MAP4K1: variants seen among roughly 807,000 people sequenced by gnomAD.
The protein encoded by MAP4K1 is mitogen-activated protein kinase kinase kinase kinase 1.
MAP4K1 carries 35 observed loss-of-function variants against 122.8 expected under a neutral mutation model. That is an observed-to-expected ratio of 0.29 (90% CI 0.22 to 0.38). The LOEUF (loss-of-function observed/expected upper bound fraction) is 0.38. MAP4K1 is among the 10% of genes least tolerant of loss of function. The pLI, the probability that MAP4K1 is intolerant of heterozygous loss-of-function variation, is 1.00. For missense variants in MAP4K1, 791 were observed against 1,072.6 expected, an observed-to-expected ratio of 0.74 and a Z score of 3.67; for synonymous variants, 412 against 421.3, an observed-to-expected ratio of 0.98 and a Z score of 0.27.
chr19:38,613,515 A>T (rs1975561603), intron 8 of MAP4K1, among the ~76,000 whole-genome samples: 1 of 151,834 alleles, frequency 6.6e-6, no homozygotes, highest in South Asian at 2.1e-4. Flanking sequence ...ACAGAGTGAG[A>T]CCCTGTCTCT....
intron 16 of MAP4K1, 65 bp from the exon 17 acceptor site, chr19:38,606,280 T>C (rs1320144539): frequency 7.5e-6 from 6 of 799,426 alleles, no homozygotes; most frequent in Admixed American, 2.8e-5. Flanking sequence ...GAAGATGGCA[T>C]GGTTCTGGGC....
intron 30 of MAP4K1, 41 bp downstream of exon 30, chr19:38,593,241 G>A: frequency 6.3e-7 from 1 of 1,586,654 alleles, no homozygotes; most frequent in Non-Finnish European, 8.6e-7. Flanking sequence ...CACATCAGAA[G>A]CCCCCTCCCA....
rs747487174 is a variant in MAP4K1 at position 38,595,773 on chromosome 19, G to C, written c.2180-44C>G. ...TTTTAAGAACTGTGAGCAAGGCTTA[G>C]AGGGTTACTAAGGGACCAATCCATA... On this transcript the variant is annotated intron_variant, in intron 27 of 30. Transcript: ENST00000396857. 48 of 1,540,388 alleles carry C rather than the reference G, an allele frequency of 3.1e-5. No individual in the cohort carries two copies. The South Asian group carries it at 5.4e-4, about 17-fold the overall frequency.
intron 30 of MAP4K1, among the ~76,000 whole-genome samples, chr19:38,588,558 G>T (rs1329737085): frequency 1.3e-5 from 2 of 151,836 alleles, no homozygotes; most frequent in Admixed American, 6.6e-5. Context: ...GGTCCATCCT[G>T]GCTAACACGG....
intron 30 of MAP4K1, among the ~76,000 whole-genome samples, chr19:38,591,647 A>C (rs955924157): frequency 1.3e-5 from 2 of 152,044 alleles, no homozygotes; most frequent in Non-Finnish European, 2.9e-5. Flanking sequence ...AATAGTTAAA[A>C]ATTTTTAATA....
chr19:38,609,831 G>A, intron 12 of MAP4K1, 78 bp downstream of exon 12: 1 of 1,383,290 alleles, frequency 7.2e-7, no homozygotes, highest in Non-Finnish European at 1.0e-6. Flanking sequence ...AGAGGCAGCA[G>A]GAAGGCACTG....
chr19:38,607,976 C>A lies in MAP4K1; in HGVS notation c.1109+14G>T. ...CATTCCAGCCCCCTCCCCATCCTCCCTGGGGTCCCTGACCTGGGGCTGCTG... is the reference window on the plus strand; with the variant it reads ...CATTCCAGCCCCCTCCCCATCCTCCATGGGGTCCCTGACCTGGGGCTGCTG... On this transcript the variant is annotated intron_variant, in intron 15 of 30. Transcript: ENST00000396857. 1 of 1,611,672 alleles carries A rather than the reference C, an allele frequency of 6.2e-7. No homozygotes were observed. Among genetic ancestry groups the A allele is most frequent in the Non-Finnish European group, 8.5e-7 (1 of 1,178,992 alleles).
intron 22 of MAP4K1, among the ~76,000 whole-genome samples, 183 bp downstream of exon 22, chr19:38,599,742 A>G (rs1975004376): frequency 6.6e-6 from 1 of 152,168 alleles, no homozygotes; most frequent in Admixed American, 6.6e-5. Context: ...TGTGAACCCC[A>G]TTTTACAAAT....
chr19:38,614,536 G>T, intron 4 of MAP4K1, 91 bp from the exon 5 acceptor site: 1 of 1,394,554 alleles, frequency 7.2e-7, no homozygotes. Context: ...AGCTAAGAGG[G>T]TGCCATAGGG....
intron 19 of MAP4K1, among the ~76,000 whole-genome samples, chr19:38,602,671 T>C (rs531113978): frequency 6.7e-6 from 1 of 148,810 alleles, no homozygotes; most frequent in Admixed American, 6.8e-5. Context: ...CACATGTACA[T>C]ATATACGCAT....
chr19:38,603,750 G>A (rs1485450996), intron 19 of MAP4K1, among the ~76,000 whole-genome samples: 1 of 152,104 alleles, frequency 6.6e-6, no homozygotes. Context: ...TTGGGAGGCC[G>A]AGGCTGGCAG....
At chr19:38,596,515 A>AG in intron 25 of MAP4K1, 29 bp from the exon 26 acceptor site, 1 of 1,503,120 alleles carries the variant, frequency 6.7e-7, no homozygotes, top group Non-Finnish European at 8.9e-7. Context: ...GGGGCGGGCT[A>AG]GGGGGTGGTT....
chr19:38,615,219 G>T (rs893030974), intron 4 of MAP4K1, among the ~76,000 whole-genome samples: 8 of 151,958 alleles, frequency 5.3e-5, no homozygotes, highest in Middle Eastern at 3.4e-3. Context: ...GCAGCAAAGG[G>T]GGTGGGGTGG....
rs144296421 is a variant in MAP4K1, at chr19:38,592,917, C to CAATAAATAAATAAATA, written c.2396+349_2396+364dup. On this transcript the variant is annotated intron_variant, in intron 30 of 30. Coordinates refer to ENST00000396857, the MANE Select transcript of MAP4K1 (RefSeq NM_001042600.3). ...GGGCAACAAAAGCAAAACTCCATCT[C>CAATAAATAAATAAATA]AATAAATAAATAAATAAATAAATAA... Among the ~76,000 whole-genome samples, 218 of 151,258 alleles carry CAATAAATAAATAAATA rather than the reference C, an allele frequency of 1.4e-3. 1 individual carries two copies. Among genetic ancestry groups the CAATAAATAAATAAATA allele is most frequent in the African/African-American group, 5.0e-3 (207 of 41,014 alleles).
chr19:38,617,522 G>A lies in MAP4K1; in HGVS notation c.157+46C>T. 6.2e-7 allele frequency: 1 copy of A among 1,612,208 alleles called. No individual in the cohort carries two copies. Among genetic ancestry groups the A allele is most frequent in the South Asian group, 1.1e-5 (1 of 91,018 alleles). ...GGGAGGTGATCCCAGTGTCCCAGGAGGCGAAGGTGGGGATGTGGGGAAGGA... is the reference window on the plus strand; with the variant it reads ...GGGAGGTGATCCCAGTGTCCCAGGAAGCGAAGGTGGGGATGTGGGGAAGGA... On this transcript the variant is annotated intron_variant, in intron 2 of 30. Transcript: ENST00000396857. This position sits in a 1 kb window ranked among gnomAD's most constrained non-coding sequence, Gnocchi z 4.1.
chr19:38,595,775 G>C, intron 27 of MAP4K1, 46 bp from the exon 28 acceptor site: 1 of 1,517,778 alleles, frequency 6.6e-7, no homozygotes, highest in Non-Finnish European at 9.1e-7. Context: ...AAGGCTTAGA[G>C]GGTTACTAAG....
chr19:38,603,347 C>G (rs994388168), intron 19 of MAP4K1, among the ~76,000 whole-genome samples: 2 of 148,874 alleles, frequency 1.3e-5, no homozygotes, highest in Non-Finnish European at 3.0e-5. Flanking sequence ...TACATATATA[C>G]ACATATACAT....
chr19:38,609,783 C>T (rs1975440398), intron 12 of MAP4K1, 109 bp from the exon 13 acceptor site: 2 of 1,306,738 alleles, frequency 1.5e-6, no homozygotes, highest in South Asian at 1.3e-5. Flanking sequence ...CAGCCTTTTA[C>T]CAAGCTCCCC....
chr19:38,590,391 AAAAATATATATATATATATATAT>A (rs1465627596), intron 30 of MAP4K1, among the ~76,000 whole-genome samples: 21 of 37,936 alleles, frequency 5.5e-4, no homozygotes, highest in South Asian at 2.3e-3. Flanking sequence ...AAAAAAAAAA[AAAAATATATATATATATATATAT>A]ATATATATAT....
Sources: gnomAD v4.1 joint callset for allele counts (sites outside exome capture counted in the v4.1 genomes callset) on GRCh38, gnomAD v4.1.1 for gene constraint, Gnocchi (gnomAD v3.1) non-coding constraint, MANE v1.5 for transcripts, NCBI Gene and HGNC (gene_info 2026-07-23, HGNC 2026-07-21) for gene names.